Variants in OPRM1 observed in about 807,000 individuals in gnomAD.
OPRM1 encodes the protein mu-type opioid receptor.
Under a neutral mutation model 31.8 loss-of-function variants are expected in OPRM1, and 27 were observed. The observed-to-expected ratio is 0.85, with a 90% CI of 0.63 to 1.17. The LOEUF (loss-of-function observed/expected upper bound fraction) is 1.17, where lower values mean the gene tolerates loss of function less well. Ranked by LOEUF, OPRM1 falls within the 50% of genes most tolerant of loss-of-function variation. The pLI is 0.00. For synonymous variants in OPRM1, 196 were observed against 189.9 expected, an observed-to-expected ratio of 1.03 and a Z score of -0.26; for missense variants, 536 against 511.1, an observed-to-expected ratio of 1.05 and a Z score of -0.47.
intron 3 of OPRM1, among the ~76,000 whole-genome samples, chr6:154,180,414 A>ATATATATATATATAT (rs1241250621): frequency 4.6e-5 from 3 of 65,268 alleles, no homozygotes; most frequent in African/African-American, 1.4e-4. Flanking sequence ...ATATATATAT[A>ATATATATATATATAT]TTTTTTTTTT....
chr6:154,236,592 GTTAT>G (rs1162316539), intron 3 of OPRM1, among the ~76,000 whole-genome samples: 2 of 152,162 alleles, frequency 1.3e-5, no homozygotes, highest in African/African-American at 4.8e-5. Context: ...CTCTGAAATC[GTTAT>G]TTGTCAGTGA....
downstream of OPRM1, among the ~76,000 whole-genome samples, chr6:154,134,618 C>T (rs530246594): frequency 1.3e-5 from 2 of 152,202 alleles, no homozygotes; most frequent in Admixed American, 6.5e-5. Flanking sequence ...ACACTGAGGA[C>T]CATCAAACAC....
In OPRM1 at chr6:154,127,204, A is replaced by C. The variant is rs561312834; in HGVS notation, c.*8483A>C. Among the ~76,000 whole-genome samples, 2 of 151,828 alleles carry C rather than the reference A, an allele frequency of 1.3e-5. No homozygotes were observed. Among genetic ancestry groups the C allele is most frequent in the African/African-American group, 4.8e-5 (2 of 41,408 alleles). ...CAGTATTAAATTCTACACTTTTCCT[A>C]CCATAGTGATACATGTGGCTTTTCT... On this transcript the variant is annotated 3_prime_UTR_variant, in exon 4 of 4. Coordinates refer to ENST00000330432, the MANE Select transcript of OPRM1 (RefSeq NM_000914.5).
chr6:154,220,886 A>G (rs1315845688), intron 3 of OPRM1, among the ~76,000 whole-genome samples: 5 of 152,252 alleles, frequency 3.3e-5, no homozygotes, highest in Admixed American at 3.3e-4. Flanking sequence ...CACACAGCAT[A>G]TATTAAACGC....
At chr6:154,044,475 C>G (rs985958637) in intron 1 of OPRM1, among the ~76,000 whole-genome samples, 5 of 151,858 alleles carry the variant, frequency 3.3e-5, no homozygotes, top group African/African-American at 1.2e-4. Flanking sequence ...AGAAAACAAA[C>G]AAACATTCGG....
At position 154,119,458 on chromosome 6, in the gene OPRM1, C is replaced by T; in HGVS notation, c.*737C>T. 1 of 985,220 alleles carries T rather than the reference C, an allele frequency of 1.0e-6. No homozygotes were observed. The highest frequency in any genetic ancestry group is 1.2e-6 in the Non-Finnish European group (1 of 829,804). 61.0% of individuals were successfully genotyped at this position (985,220 alleles called of 1,614,324 possible). On this transcript the variant is annotated 3_prime_UTR_variant, in exon 4 of 4. Transcript: ENST00000330432. ...TTCTTAGGCTTTCAGTGGTTTGTTC[C>T]TCAGTTTTAAATGTGCAATTTTCTT... is the stretch of plus-strand genomic sequence containing the variant.
intron 3 of OPRM1, chr6:154,108,892 C>A: frequency 1.0e-6 from 1 of 984,540 alleles, no homozygotes; most frequent in African/African-American, 1.7e-5. Context: ...ACAGTAGTTA[C>A]TAGAGAAAAA....
rs1797337597 is a variant in OPRM1 at position 154,122,115 on chromosome 6, G to A, written c.*3394G>A. Reference sequence around the variant, plus strand: ...TCTAGCCAAAGCAACCTAAGAATAGGACATGGTAGCTTAAGTTTTTCAGCT... The same window carrying A: ...TCTAGCCAAAGCAACCTAAGAATAGAACATGGTAGCTTAAGTTTTTCAGCT... On this transcript the variant is annotated 3_prime_UTR_variant, in exon 4 of 4. Coordinates refer to ENST00000330432, the MANE Select transcript of OPRM1 (RefSeq NM_000914.5). 6.6e-6 allele frequency among the ~76,000 whole-genome samples: 1 copy of A among 152,130 alleles called. No individual in the cohort carries two copies. The highest frequency in any genetic ancestry group is 1.5e-5 in the Non-Finnish European group (1 of 68,020).
At chr6:154,134,702 A>T (rs1798011698), downstream of OPRM1, among the ~76,000 whole-genome samples, 1 of 152,222 alleles carries the variant, frequency 6.6e-6, no homozygotes, top group South Asian at 2.1e-4. Flanking sequence ...TGACTCAGAT[A>T]GAAGGAGCGA....
At chr6:154,056,376 C>T (rs931282457) in intron 1 of OPRM1, among the ~76,000 whole-genome samples, 31 of 151,952 alleles carry the variant, frequency 2.0e-4, no homozygotes, top group Admixed American at 1.6e-3. Context: ...CCCGCCTCAG[C>T]CTCCCAAAGT....
intron 1 of OPRM1, among the ~76,000 whole-genome samples, chr6:154,075,546 G>C (rs895940414): frequency 6.6e-6 from 1 of 151,460 alleles, no homozygotes; most frequent in Non-Finnish European, 1.5e-5. Flanking sequence ...CCACCTCCCA[G>C]GTTCAAGCAA....
At chr6:154,053,224 A>T (rs1251050579) in intron 1 of OPRM1, among the ~76,000 whole-genome samples, 1 of 152,198 alleles carries the variant, frequency 6.6e-6, no homozygotes, top group Non-Finnish European at 1.5e-5. Flanking sequence ...TTTCGTCTTC[A>T]ATCTTTTGGA....
intron 3 of OPRM1, among the ~76,000 whole-genome samples, chr6:154,208,528 T>C (rs1310876583): frequency 6.6e-6 from 1 of 152,226 alleles, no homozygotes; most frequent in African/African-American, 2.4e-5. Flanking sequence ...CTCCCTCAAC[T>C]AGAGGTTTGG....
intron 3 of OPRM1, among the ~76,000 whole-genome samples, chr6:154,167,275 A>G (rs912789549): frequency 5.9e-5 from 9 of 152,340 alleles, no homozygotes; most frequent in Non-Finnish European, 1.0e-4. Context: ...ATGAAGAACC[A>G]TTTCAGCTCA....
chr6:154,188,934 C>CA (rs1801620938), intron 3 of OPRM1, among the ~76,000 whole-genome samples: 1 of 148,082 alleles, frequency 6.8e-6, no homozygotes. Context: ...TTTCTTGATA[C>CA]CAAAAAAAAG....
intron 1 of OPRM1, among the ~76,000 whole-genome samples, chr6:154,015,216 G>A (rs1583114690): frequency 6.6e-6 from 1 of 152,028 alleles, no homozygotes; most frequent in African/African-American, 2.4e-5. Flanking sequence ...GCAAACATAT[G>A]GAGAGAGTGG....
At chr6:154,072,413 A>G (rs570308) in intron 1 of OPRM1, among the ~76,000 whole-genome samples, 7,247 of 152,294 alleles carry the variant, frequency 0.048, 328 homozygotes, top group Admixed American at 0.15. Flanking sequence ...ATGTGCAAGA[A>G]TGCAAAAGGT....
chr6:154,050,244 T>C (rs1389459647), intron 1 of OPRM1, among the ~76,000 whole-genome samples: 2 of 152,190 alleles, frequency 1.3e-5, no homozygotes, highest in Non-Finnish European at 2.9e-5. Context: ...GTTGTATGTA[T>C]ATACTCAAAA....
At chr6:154,211,089 G>A (rs140182737) in intron 3 of OPRM1, among the ~76,000 whole-genome samples, 1 of 152,170 alleles carries the variant, frequency 6.6e-6, no homozygotes, top group Admixed American at 6.5e-5. Context: ...CATCATTTGG[G>A]TCTATAATGG....
Sources: gnomAD v4.1 joint callset for allele counts (sites outside exome capture counted in the v4.1 genomes callset) on GRCh38, gnomAD v4.1.1 for gene constraint, MANE v1.5 for transcripts, NCBI Gene and HGNC (gene_info 2026-07-23, HGNC 2026-07-21) for gene names.